The following BCAS4 variants were observed in gnomAD, a reference collection of about 807,000 sequenced individuals.
The protein encoded by BCAS4 is breast carcinoma amplified sequence 4.
In BCAS4, 9 loss-of-function variants were observed where a neutral mutation model predicts 15.7. That is an observed-to-expected ratio of 0.57 (90% CI 0.34 to 1.00). The LOEUF (loss-of-function observed/expected upper bound fraction) is 1.00. Among genes scored for constraint, BCAS4 ranks in the 50% least tolerant of loss-of-function variants. The pLI, the probability that BCAS4 is intolerant of heterozygous loss-of-function variation, is 0.02. For synonymous variants in BCAS4, 101 were observed against 99.5 expected (o/e 1.02, Z -0.09); for missense variants, 225 against 239.1 (o/e 0.94, Z 0.39).
upstream of BCAS4, chr20:50,795,020 G>A: frequency 9.3e-6 from 13 of 1,395,856 alleles, no homozygotes; most frequent in Non-Finnish European, 1.2e-5. Flanking sequence ...GCGGGGCTCC[G>A]AGGCCCGGGC....
intron 2 of BCAS4, among the ~76,000 whole-genome samples, chr20:50,827,965 T>C (rs1600865415): frequency 6.6e-6 from 1 of 152,102 alleles, no homozygotes; most frequent in African/African-American, 2.4e-5. Flanking sequence ...TCACCTCAGG[T>C]GATCTGCCCA....
intron 1 of BCAS4, among the ~76,000 whole-genome samples, chr20:50,808,793 T>G (rs565615772): frequency 6.6e-6 from 1 of 152,364 alleles, no homozygotes; most frequent in Non-Finnish European, 1.5e-5. Context: ...GGTTGTCTGT[T>G]TACTCTGCTG....
downstream of BCAS4, chr20:50,877,203 G>A (rs900857890): frequency 6.6e-6 from 1 of 152,328 alleles, no homozygotes; most frequent in African/African-American, 2.4e-5. Context: ...GAGAATGACG[G>A]GGAGTGATAG....
chr20:50,823,255 A>T (rs2088238547), intron 2 of BCAS4, among the ~76,000 whole-genome samples: 2 of 151,914 alleles, frequency 1.3e-5, no homozygotes, highest in Admixed American at 6.6e-5. Context: ...CAGGAGAATC[A>T]CTTGAACCCG....
intron 1 of BCAS4, among the ~76,000 whole-genome samples, chr20:50,813,583 A>G (rs2088098649): frequency 6.6e-6 from 1 of 151,796 alleles, no homozygotes; most frequent in African/African-American, 2.4e-5. Flanking sequence ...GGTGGGAGAG[A>G]AGAGTCAAGG....
chr20:50,869,554 C>G (rs984030205), intron 4 of BCAS4, among the ~76,000 whole-genome samples: 1 of 152,136 alleles, frequency 6.6e-6, no homozygotes, highest in African/African-American at 2.4e-5. Context: ...ACATAAAAGT[C>G]AGGCCCAAGG....
In BCAS4 at chr20:50,853,236, C is replaced by G. The variant is rs539206406; in HGVS notation, c.399+11336C>G. Among the ~76,000 whole-genome samples the G allele has an allele frequency of 2.4e-4, 36 of 151,160 alleles. 1 individual carries two copies. The East Asian group carries it at 4.9e-3, about 20-fold the overall frequency. ...CTCAGCTCACTGCAACCTCCGCCTC[C>G]CGGGTTCAACCAATTCTCCTGCCTC... On this transcript the variant is annotated intron_variant, in intron 4 of 4. Transcript: ENST00000371608.
intron 3 of BCAS4, among the ~76,000 whole-genome samples, chr20:50,833,439 G>C (rs7272410): frequency 0.032 from 4,926 of 152,264 alleles, 288 homozygotes; most frequent in African/African-American, 0.11. Flanking sequence ...CTTTGTTGTG[G>C]GGCTGTTCTG....
Position 50,795,140 on chromosome 20 carries a change from C to A in BCAS4, c.57C>A (p.Leu19=). The change falls in exon 1 of 5, where the codon CTC becomes CTA. Residue 19 remains leucine (L), a synonymous_variant. Coordinates refer to ENST00000371608, the MANE Select transcript of BCAS4 (RefSeq NM_198799.4). ...CCATGCGCAGCGGGGCGCGCGAGCT[C>A]GCGCTCTTCCTGACCCCCGAGCCTG... ...PEPMRSGARE[L]ALFLTPEPGA... is the part of the protein sequence containing the mutation. 6.8e-7 allele frequency: 1 copy of A among 1,473,176 alleles called. No homozygotes were observed. Among genetic ancestry groups the A allele is most frequent in the Non-Finnish European group, 9.0e-7 (1 of 1,108,836 alleles). 91.3% of individuals were successfully genotyped at this position (1,473,176 alleles called of 1,614,324 possible). A position where few individuals can be genotyped will look rare whatever the true frequency, so the allele number is the denominator to read the frequency against.
intron 4 of BCAS4, among the ~76,000 whole-genome samples, chr20:50,871,159 A>G (rs888353553): frequency 2.0e-5 from 3 of 152,202 alleles, no homozygotes; most frequent in African/African-American, 7.2e-5. Flanking sequence ...TCCATCCTCA[A>G]GGAGCCCTAG....
In BCAS4 at chr20:50,821,506, G is replaced by A. The variant is rs572319656; in HGVS notation, c.162+3224G>A. Among the ~76,000 whole-genome samples, 6 of 152,330 alleles carry A rather than the reference G, an allele frequency of 3.9e-5. No individual in the cohort carries two copies. The South Asian group carries it at 8.3e-4, about 21-fold the overall frequency. ...TACATGACTACAGAGAGAGGTGTCC[G>A]GTGATCAGCCCTAGCTTGGGGCCTC... is the stretch of plus-strand genomic sequence containing the variant. On this transcript the variant is annotated intron_variant, in intron 2 of 4. Coordinates refer to ENST00000371608, the MANE Select transcript of BCAS4 (RefSeq NM_198799.4).
At chr20:50,860,997 G>GA (rs200476021) in intron 4 of BCAS4, among the ~76,000 whole-genome samples, 555 of 133,710 alleles carry the variant, frequency 4.2e-3, no homozygotes, top group Middle Eastern at 0.011. Flanking sequence ...CCGGTCTCTG[G>GA]AAAAAAAAAA....
chr20:50,872,690 G>A (rs1396390118), intron 4 of BCAS4, among the ~76,000 whole-genome samples: 1 of 152,200 alleles, frequency 6.6e-6, no homozygotes. Flanking sequence ...CTGTGTTTTG[G>A]TCTGAAGAGG....
At chr20:50,854,759 A>C (rs1002296988) in intron 4 of BCAS4, among the ~76,000 whole-genome samples, 135 of 147,560 alleles carry the variant, frequency 9.1e-4, no homozygotes, top group African/African-American at 3.3e-3. Flanking sequence ...ATTGTTCCAA[A>C]CCCCCCCCAC....
chr20:50,877,713 C>G (rs962388948), downstream of BCAS4: 1 of 152,102 alleles, frequency 6.6e-6, no homozygotes, highest in Non-Finnish European at 1.5e-5. Context: ...CAGAGCAAGA[C>G]CCTGTCCCCC....
chr20:50,852,347 C>G (rs1226313705), intron 4 of BCAS4, among the ~76,000 whole-genome samples: 8 of 151,900 alleles, frequency 5.3e-5, no homozygotes, highest in African/African-American at 1.9e-4. Context: ...AGTGGCCAGG[C>G]CTTGCGCTTT....
intron 1 of BCAS4, among the ~76,000 whole-genome samples, chr20:50,817,885 AC>A (rs911548924): frequency 1.3e-5 from 2 of 151,872 alleles, no homozygotes; most frequent in Non-Finnish European, 2.9e-5. Flanking sequence ...TGAGCAGGTT[AC>A]CCCACCTCTC....
intron 4 of BCAS4, among the ~76,000 whole-genome samples, chr20:50,847,525 C>T (rs552241395): frequency 2.3e-4 from 35 of 152,192 alleles, no homozygotes; most frequent in Non-Finnish European, 3.5e-4. Context: ...CTTGTCAATC[C>T]TCATAACATC....
chr20:50,855,990 A>C (rs1978739410), intron 4 of BCAS4, among the ~76,000 whole-genome samples: 1 of 152,226 alleles, frequency 6.6e-6, no homozygotes, highest in Non-Finnish European at 1.5e-5. Flanking sequence ...TGCAGAGGAC[A>C]GGCTGGGAAA....
Sources: gnomAD v4.1 joint callset for allele counts (sites outside exome capture counted in the v4.1 genomes callset) on GRCh38, gnomAD v4.1.1 for gene constraint, MANE v1.5 for transcripts, NCBI Gene and HGNC (gene_info 2026-07-23, HGNC 2026-07-21) for gene names.